The following EGFL7 variants were observed in gnomAD, a reference collection of about 807,000 sequenced individuals.
EGFL7 encodes the protein EGF like domain multiple 7.
EGFL7 carries 48 observed loss-of-function variants against 37.1 expected under a neutral mutation model. The observed-to-expected ratio is 1.29, with a 90% CI of 1.03 to 1.65. EGFL7 has a LOEUF of 1.65. Ranked by LOEUF, EGFL7 falls within the 40% of genes most tolerant of loss-of-function variation. The probability of loss-of-function intolerance (pLI) is 0.00; values close to 1 mark genes in which losing one functional copy is unlikely to be tolerated. For missense variants in EGFL7, 384 were observed against 378.9 expected, an observed-to-expected ratio of 1.01 and a Z score of -0.11; for synonymous variants, 180 against 156.8, an observed-to-expected ratio of 1.15 and a Z score of -1.10.
intron 5 of EGFL7, among the ~76,000 whole-genome samples, chr9:136,669,297 C>G (rs1190268943): frequency 6.6e-6 from 1 of 152,218 alleles, no homozygotes; most frequent in African/African-American, 2.4e-5. Flanking sequence ...GGCACACCCT[C>G]TCCTCTGGGC....
rs1222276914 is a variant in EGFL7 at position 136,668,289 on chromosome 9, G to A, written c.7G>A (p.Gly3Ser). 2 of 1,605,996 alleles carry A rather than the reference G, an allele frequency of 1.2e-6. No individual in the cohort carries two copies. Among genetic ancestry groups the A allele is most frequent in the African/African-American group, 1.3e-5 (1 of 74,834 alleles). The change falls in exon 4 of 11, where the codon GGC (glycine) becomes AGC (serine). Residue 3 changes from glycine to serine, a missense_variant. By Grantham distance (56) the Gly-to-Ser change is moderately conservative. Transcript: ENST00000308874. ...CCGCCTGGAGGCACAGGCCATGAGG[G>A]GCTCTCAGGAGGTGCTGCTGATGTG... The part of the protein sequence containing the change: MR[G>S]SQEVLLMWLL...
Position 136,672,565 on chromosome 9 carries a change from C to G in EGFL7, c.*279C>G, listed in dbSNP as rs1036938631. The G allele has an allele frequency of 1.0e-5, 6 of 576,998 alleles. No individual in the cohort carries two copies. Among genetic ancestry groups the G allele is most frequent in the Non-Finnish European group, 1.5e-5 (5 of 322,732 alleles). The allele number at this position is 576,998 out of a possible 1,614,324, so 35.7% of individuals were successfully genotyped here. On this transcript the variant is annotated 3_prime_UTR_variant, in exon 11 of 11. Coordinates refer to ENST00000308874, the MANE Select transcript of EGFL7 (RefSeq NM_016215.5). ...GTGGGCCCTCAGCTGAGGGAAGGTACGAGCTCCCTGCTGGAGCCTGGGACC... is the reference window on the plus strand; with the variant it reads ...GTGGGCCCTCAGCTGAGGGAAGGTAGGAGCTCCCTGCTGGAGCCTGGGACC...
At position 136,672,243 on chromosome 9, in the gene EGFL7, C is replaced by T. The variant is rs369873147; in HGVS notation, c.800-21C>T. 9.9e-6 allele frequency: 16 copies of T among 1,613,286 alleles called. No individual in the cohort carries two copies. In the African/African-American group the frequency reaches 1.9e-4, roughly 19 times the overall value. On this transcript the variant is annotated intron_variant, in intron 10 of 10. Transcript: ENST00000308874. ...GCTGTGGGGAGCAGTGATCTCTGAC[C>T]TTCGCCTCATCCAACCCTAGGCTCC...
intron 2 of EGFL7, 25 bp downstream of exon 2, chr9:136,663,648 A>C (rs1845283085): frequency 6.6e-6 from 1 of 152,268 alleles, no homozygotes; most frequent in African/African-American, 2.4e-5. Context: ...GCTCGGGCTT[A>C]GGGATGACTT....
intron 8 of EGFL7, 117 bp from the exon 9 acceptor site, chr9:136,670,832 GC>G: frequency 1.0e-6 from 1 of 976,216 alleles, no homozygotes; most frequent in Non-Finnish European, 1.6e-6. Context: ...GGCAGCGGGG[GC>G]GGCAGAGGCC....
chr9:136,670,326 G>A lies in EGFL7; in HGVS notation c.567G>A (p.Pro189=), dbSNP rs370399233. ...GGCCCCCCAGGGTGGCCCCCAACCC[G>A]ACAGGTAAACAGCCCTGGCTGTGCC... ...KGGPPRVAPN[P]TGVDSAMKEE... Residue 189 remains proline, a synonymous_variant, in exon 8 of 11, where the codon CCG becomes CCA. Transcript: ENST00000308874. 31 of 1,569,796 alleles carry A rather than the reference G, an allele frequency of 2.0e-5. No homozygotes were observed. The highest frequency in any genetic ancestry group is 1.1e-4 in the African/African-American group (8 of 73,810).
intron 6 of EGFL7, 57 bp from the exon 7 acceptor site, chr9:136,669,857 C>A (rs1564280565): frequency 2.0e-6 from 3 of 1,486,322 alleles, no homozygotes; most frequent in African/African-American, 2.8e-5. Context: ...CTAGCAGCTG[C>A]CCCCACAGGG....
Position 136,664,295 on chromosome 9 carries a change from G to C in EGFL7, c.-136-397G>C, listed in dbSNP as rs138963650. 2.6e-5 allele frequency among the ~76,000 whole-genome samples: 4 copies of C among 152,252 alleles called. No homozygotes were observed. The South Asian group carries it at 8.3e-4, about 32-fold the overall frequency. The stretch of plus-strand genomic sequence containing the variant: ...CTCATTTTGGGGACTCCTCTCCAGG[G>C]ACCTGGGCCCCTCCCTTCCTCCAGC... On this transcript the variant is annotated intron_variant, in intron 2 of 10. Transcript: ENST00000308874.
rs528391763 is a variant in EGFL7 at position 136,670,442 on chromosome 9, A to G, written c.571+112A>G. 2.2e-4 allele frequency: 286 copies of G among 1,303,988 alleles called. No individual in the cohort carries two copies. In the African/African-American group the frequency reaches 3.8e-3, roughly 17 times the overall value. The allele number at this position is 1,303,988 out of a possible 1,614,324, so 80.8% of individuals were successfully genotyped here. A position where few individuals can be genotyped will look rare whatever the true frequency, so the allele number is the denominator to read the frequency against. Reference sequence around the variant, plus strand: ...GGAATCTGGGCGGAAGGCGGTGGGGACTCCCTCTCCAGGGAGGGAGGATGG... The same window carrying G: ...GGAATCTGGGCGGAAGGCGGTGGGGGCTCCCTCTCCAGGGAGGGAGGATGG... On this transcript the variant is annotated intron_variant, in intron 8 of 10. Transcript: ENST00000308874.
At position 136,672,022 on chromosome 9, in the gene EGFL7, C is replaced by T. The variant is rs1845942506; in HGVS notation, c.733C>T (p.Gln245Ter). 1 of 1,544,792 alleles carries T rather than the reference C, an allele frequency of 6.5e-7. No individual in the cohort carries two copies. Among genetic ancestry groups the T allele is most frequent in the Non-Finnish European group, 8.7e-7 (1 of 1,146,824 alleles). Residue 245 changes from glutamine to a stop codon, truncating the protein, a stop_gained, in exon 10 of 11, where the codon CAG becomes TAG. Coordinates refer to ENST00000308874, the MANE Select transcript of EGFL7 (RefSeq NM_016215.5). LOFTEE classifies it high-confidence loss of function. ...CGGCAGCCTCCTGGTGCACTCCTTC[C>T]AGCAGCTCGGCCGCATCGACTCCCT... ...DPGSLLVHSF[Q>*]QLGRIDSLSE...
At position 136,666,531 on chromosome 9, in the gene EGFL7, A is replaced by C. The variant is rs938702145; in HGVS notation, c.-42-1710A>C. On this transcript the variant is annotated intron_variant, in intron 3 of 10. Coordinates refer to ENST00000308874, the MANE Select transcript of EGFL7 (RefSeq NM_016215.5). This position sits in a 1 kb window ranked among gnomAD's most constrained non-coding sequence, Gnocchi z 6.8. ...GGCTTGCAGCACCGGCTCGGAGAGC[A>C]CCACGGGCTTCCTCTGGCCTCGGGA... Among the ~76,000 whole-genome samples the C allele has an allele frequency of 6.6e-6, 1 of 152,038 alleles. No homozygotes were observed. Among genetic ancestry groups the C allele is most frequent in the African/African-American group, 2.4e-5 (1 of 41,398 alleles).
chr9:136,664,529 A>C (rs994369096), intron 2 of EGFL7, among the ~76,000 whole-genome samples, 163 bp from the exon 3 acceptor site: 2 of 152,228 alleles, frequency 1.3e-5, no homozygotes, highest in South Asian at 2.1e-4. Flanking sequence ...AGCTCAGGAC[A>C]GGATGGGGTC....
Position 136,666,954 on chromosome 9 carries a change from GGGCAGCCTCTGCCTAGTT to G in EGFL7, c.-42-1273_-42-1256del, listed in dbSNP as rs559437996. The stretch of plus-strand genomic sequence containing the variant: ...TAAGTCCCCACCCCTCAGCTGCCCA[GGGCAGCCTCTGCCTAGTT>G]GGCAGCCTCTGCCCTGCCCTCCTCT... On this transcript the variant is annotated intron_variant, in intron 3 of 10. Transcript: ENST00000308874. This position sits in a 1 kb window ranked among gnomAD's most constrained non-coding sequence, Gnocchi z 6.8. Among the ~76,000 whole-genome samples, 130 of 151,242 alleles carry G rather than the reference GGGCAGCCTCTGCCTAGTT, an allele frequency of 8.6e-4. 6 individuals carry two copies. The South Asian group carries it at 0.025, about 29-fold the overall frequency.
rs1403193757 is a variant in EGFL7 at position 136,666,876 on chromosome 9, C to A, written c.-42-1365C>A. ...AGTTAATCTCCAGCCAGCTCTGCCCCCTCGACAAACTCCTGCCCAAAAACT... is the reference window on the plus strand; with the variant it reads ...AGTTAATCTCCAGCCAGCTCTGCCCACTCGACAAACTCCTGCCCAAAAACT... On this transcript the variant is annotated intron_variant, in intron 3 of 10. Transcript: ENST00000308874. The surrounding 1 kb of genome is among the most constrained non-coding windows in gnomAD (Gnocchi z 6.8). Among the ~76,000 whole-genome samples, 5 of 152,176 alleles carry A rather than the reference C, an allele frequency of 3.3e-5. No individual in the cohort carries two copies. The highest frequency in any genetic ancestry group is 4.8e-5 in the African/African-American group (2 of 41,442).
chr9:136,672,502 C>A lies in EGFL7; in HGVS notation c.*216C>A. ...TTCTCTGTGAATCCACCCCTGGCTACCCCCACCCTGGCTACCCCAACGGCA... is the reference window on the plus strand; with the variant it reads ...TTCTCTGTGAATCCACCCCTGGCTAACCCCACCCTGGCTACCCCAACGGCA... On this transcript the variant is annotated 3_prime_UTR_variant, in exon 11 of 11. Transcript: ENST00000308874. The A allele has an allele frequency of 3.2e-6, 2 of 630,470 alleles. No individual in the cohort carries two copies. Among genetic ancestry groups the A allele is most frequent in the South Asian group, 1.9e-5 (1 of 51,588 alleles). 39.1% of individuals were successfully genotyped at this position (630,470 alleles called of 1,614,324 possible).
intron 5 of EGFL7, among the ~76,000 whole-genome samples, chr9:136,669,016 C>A (rs1245290946): frequency 6.6e-6 from 1 of 152,168 alleles, no homozygotes; most frequent in Non-Finnish European, 1.5e-5. Flanking sequence ...CTGCAAGTTC[C>A]CATATACACA....
In EGFL7 at chr9:136,668,341, C is replaced by T; in HGVS notation, c.59C>T (p.Thr20Ile). Residue 20 changes from threonine (T) to isoleucine (I), a missense_variant, in exon 4 of 11, where the codon ACA becomes ATA. By Grantham distance (89) the Thr-to-Ile change is moderately conservative. Coordinates refer to ENST00000308874, the MANE Select transcript of EGFL7 (RefSeq NM_016215.5). ...CTTCTGGTGTTGGCAGTGGGCGGCA[C>T]AGAGCACGCCTACCGGCCCGGGTGA... is the stretch of plus-strand genomic sequence containing the variant. ...MWLLVLAVGG[T>I]EHAYRPGRRV... The T allele has an allele frequency of 6.2e-7, 1 of 1,604,106 alleles. No homozygotes were observed. The highest frequency in any genetic ancestry group is 1.1e-5 in the South Asian group (1 of 89,878).
At chr9:136,664,817 A>T (rs1314240229) in intron 3 of EGFL7, 32 bp downstream of exon 3, 2 of 152,288 alleles carry the variant, frequency 1.3e-5, no homozygotes, top group Non-Finnish European at 2.9e-5. Flanking sequence ...GCTCCGAGGG[A>T]ACACTTCTCA....
chr9:136,662,855 G>C (rs1490987148), upstream of EGFL7: 1 of 152,238 alleles, frequency 6.6e-6, no homozygotes, highest in Non-Finnish European at 1.5e-5. Flanking sequence ...GCTGGGAAGG[G>C]CCCATCCCAA....
Sources: gnomAD v4.1 joint callset for allele counts (sites outside exome capture counted in the v4.1 genomes callset) on GRCh38, gnomAD v4.1.1 for gene constraint, Gnocchi (gnomAD v3.1) non-coding constraint, MANE v1.5 for transcripts, NCBI Gene and HGNC (gene_info 2026-07-23, HGNC 2026-07-21) for gene names.